The following C17orf75 variants were observed in gnomAD, a reference collection of about 807,000 sequenced individuals.
The protein encoded by C17orf75 is chromosome 17 open reading frame 75.
A neutral mutation model predicts 49.6 loss-of-function variants in C17orf75; 32 were observed. That is an observed-to-expected ratio of 0.65 (90% CI 0.49 to 0.87). The LOEUF is 0.87. Ranked by LOEUF, C17orf75 falls within the 40% of genes least tolerant of loss-of-function variation. The probability of loss-of-function intolerance (pLI) is 0.00; values close to 1 mark genes in which losing one functional copy is unlikely to be tolerated. For synonymous variants in C17orf75, 158 were observed against 159.5 expected, an observed-to-expected ratio of 0.99 and a Z score of 0.07; for missense variants, 428 against 473.9, an observed-to-expected ratio of 0.90 and a Z score of 0.90.
intron 2 of C17orf75, 101 bp downstream of exon 2, chr17:32,341,103 A>T: frequency 7.9e-7 from 1 of 1,259,400 alleles, no homozygotes; most frequent in Non-Finnish European, 1.2e-6. Flanking sequence ...GGTTTGACTC[A>T]GGGAAAGCTC....
chr17:32,342,397 A>G (rs1010347766), upstream of C17orf75: 5 of 389,098 alleles, frequency 1.3e-5, no homozygotes, highest in African/African-American at 2.1e-5. Flanking sequence ...CATCTGGGAA[A>G]CTTTCTATGT....
chr17:32,344,480 G>A (rs1162857481), upstream of C17orf75, among the ~76,000 whole-genome samples: 1 of 151,944 alleles, frequency 6.6e-6, no homozygotes, highest in Admixed American at 6.6e-5. Flanking sequence ...AGCCCAGTGA[G>A]GTGGTGGGCA....
upstream of C17orf75, among the ~76,000 whole-genome samples, chr17:32,346,713 C>T (rs996316142): frequency 1.3e-4 from 20 of 152,096 alleles, no homozygotes; most frequent in African/African-American, 4.6e-4. Context: ...GCTGGAACTA[C>T]AGGCACACGC....
intron 9 of C17orf75, among the ~76,000 whole-genome samples, chr17:32,332,907 TCAAGCAATTTTCGTGCCTCAGC>T (rs1167439844): frequency 6.6e-6 from 1 of 152,092 alleles, no homozygotes. Context: ...CCTCCTGGGT[TCAAGCAATTTTCGTGCCTCAGC>T]CACCTGACAT....
chr17:32,331,612 A>G lies in C17orf75; in HGVS notation c.*151T>C, dbSNP rs2041273635. On this transcript the variant is annotated 3_prime_UTR_variant, in exon 10 of 10. Coordinates refer to ENST00000577809, the MANE Select transcript of C17orf75 (RefSeq NM_022344.4). Reference sequence around the variant, plus strand: ...CAGTGAAGATGTTCTTCAGATTTTTATTTAAGTTAAATTGGTAAAATACAA... The same window carrying G: ...CAGTGAAGATGTTCTTCAGATTTTTGTTTAAGTTAAATTGGTAAAATACAA... 1.5e-6 allele frequency: 1 copy of G among 668,036 alleles called. No individual in the cohort carries two copies. The highest frequency in any genetic ancestry group is 1.8e-5 in the African/African-American group (1 of 55,062). 41.4% of individuals were successfully genotyped at this position (668,036 alleles called of 1,614,324 possible). A position where few individuals can be genotyped will look rare whatever the true frequency, so the allele number is the denominator to read the frequency against.
At chr17:32,338,772 C>T (rs1451072196) in intron 3 of C17orf75, among the ~76,000 whole-genome samples, 4 of 152,104 alleles carry the variant, frequency 2.6e-5, no homozygotes, top group Admixed American at 6.6e-5. Flanking sequence ...GCTAACTTCA[C>T]GGTCTGAGTT....
At chr17:32,345,467 C>T (rs979363431), upstream of C17orf75, among the ~76,000 whole-genome samples, 9 of 152,168 alleles carry the variant, frequency 5.9e-5, no homozygotes, top group Middle Eastern at 3.4e-3. Context: ...CAGAGTAAGA[C>T]TCCATCTCAG....
chr17:32,331,650 G>A lies in C17orf75; in HGVS notation c.*113C>T. The stretch of plus-strand genomic sequence containing the variant: ...TGGTAAAATACAAAAAGAAAATCTG[G>A]ATTGAGTTTCAAATCATCTTAAATA... On this transcript the variant is annotated 3_prime_UTR_variant, in exon 10 of 10. Coordinates refer to ENST00000577809, the MANE Select transcript of C17orf75 (RefSeq NM_022344.4). 1 of 852,706 alleles carries A rather than the reference G, an allele frequency of 1.2e-6. No individual in the cohort carries two copies. 52.8% of individuals were successfully genotyped at this position (852,706 alleles called of 1,614,324 possible). A position where few individuals can be genotyped will look rare whatever the true frequency, so the allele number is the denominator to read the frequency against.
chr17:32,349,952 G>C, exon 1 of C17orf75: 1 of 1,131,066 alleles, frequency 8.8e-7, no homozygotes, highest in Non-Finnish European at 1.1e-6. Context: ...CTGGGGCTCC[G>C]GCTCCTTTAC....
intron 1 of C17orf75, chr17:32,341,652 G>T: frequency 2.8e-6 from 1 of 362,738 alleles, no homozygotes. Flanking sequence ...GGGAGAAGTG[G>T]GGAGATAATG....
At chr17:32,338,187 C>CA in intron 4 of C17orf75, 21 bp downstream of exon 4, 1 of 1,603,218 alleles carries the variant, frequency 6.2e-7, no homozygotes, top group Non-Finnish European at 8.5e-7. Flanking sequence ...CTGATGTTCT[C>CA]AAAAACCAAA....
At chr17:32,333,593 G>A in intron 8 of C17orf75, 73 bp from the exon 9 acceptor site, 2 of 1,351,352 alleles carry the variant, frequency 1.5e-6, no homozygotes, top group Non-Finnish European at 2.1e-6. Context: ...ATTTGAGACG[G>A]GAGATTCGCT....
upstream of C17orf75, among the ~76,000 whole-genome samples, chr17:32,345,944 A>G (rs1326942986): frequency 6.6e-6 from 1 of 152,132 alleles, no homozygotes; most frequent in Admixed American, 6.5e-5. Context: ...ATGGGACATT[A>G]TTGCTTCTAG....
intron 1 of C17orf75, among the ~76,000 whole-genome samples, chr17:32,348,861 T>A (rs1597743187): frequency 7.9e-6 from 1 of 126,808 alleles, no homozygotes; most frequent in Non-Finnish European, 1.6e-5. Flanking sequence ...CACTGACAGC[T>A]CCAGTCTTTT....
intron 5 of C17orf75, among the ~76,000 whole-genome samples, chr17:32,336,541 T>C (rs2041327606): frequency 6.6e-6 from 1 of 152,166 alleles, no homozygotes; most frequent in Admixed American, 6.6e-5. Flanking sequence ...AATAAGTTGA[T>C]ATGGATATGC....
Position 32,331,969 on chromosome 17 carries a change from C to A in C17orf75, c.985G>T (p.Asp329Tyr). 6.2e-7 allele frequency: 1 copy of A among 1,608,524 alleles called. No individual in the cohort carries two copies. The highest frequency in any genetic ancestry group is 1.1e-5 in the South Asian group (1 of 90,646). The change falls in exon 10 of 10, where the codon GAC (aspartate) becomes TAC (tyrosine). Residue 329 changes from aspartate to tyrosine, a missense_variant. Physicochemically the swap from Asp to Tyr is radical, Grantham distance 160. Coordinates refer to ENST00000577809, the MANE Select transcript of C17orf75 (RefSeq NM_022344.4). ...ATAAATCTCTTCAAATTGTTTGTGT[C>A]TTGTATGGCCTAGAAAATGATTACC... ...LENFKLKAIQDTNNLKRFIRQ... is the reference protein window; with the variant it reads ...LENFKLKAIQYTNNLKRFIRQ...
chr17:32,346,411 C>A (rs1408507451), upstream of C17orf75, among the ~76,000 whole-genome samples: 1 of 152,074 alleles, frequency 6.6e-6, no homozygotes. Context: ...CCACCGAAAC[C>A]CAGCTAATTT....
chr17:32,348,964 C>G (rs566895936), intron 1 of C17orf75, among the ~76,000 whole-genome samples: 31 of 151,594 alleles, frequency 2.0e-4, no homozygotes, highest in Non-Finnish European at 4.3e-4. Flanking sequence ...CTCCCAGGTC[C>G]AAGTGATTCT....
At chr17:32,337,608 C>CCA (rs1555600839) in intron 5 of C17orf75, among the ~76,000 whole-genome samples, 131 of 152,220 alleles carry the variant, frequency 8.6e-4, no homozygotes, top group Non-Finnish European at 1.2e-3. Context: ...TTTTTTAACT[C>CCA]TGTCGCTCAG....
Sources: gnomAD v4.1 joint callset for allele counts (sites outside exome capture counted in the v4.1 genomes callset) on GRCh38, gnomAD v4.1.1 for gene constraint, MANE v1.5 for transcripts, NCBI Gene and HGNC (gene_info 2026-07-23, HGNC 2026-07-21) for gene names.